Variants in EZR observed in about 807,000 individuals in gnomAD.
EZR encodes the protein ezrin.
Under a neutral mutation model 74.8 loss-of-function variants are expected in EZR, and 40 were observed. That is an observed-to-expected ratio of 0.53 (90% CI 0.42 to 0.70). The LOEUF is 0.70. Among genes scored for constraint, EZR ranks in the 30% least tolerant of loss-of-function variants. The pLI, the probability that EZR is intolerant of heterozygous loss-of-function variation, is 0.00. For missense variants in EZR, 678 were observed against 755.8 expected (o/e 0.90, Z 1.21); for synonymous variants, 341 against 283.3 (o/e 1.20, Z -2.05).
chr6:158,787,235 T>C, intron 3 of EZR, 32 bp from the exon 4 acceptor site: 3 of 1,578,734 alleles, frequency 1.9e-6, no homozygotes, highest in Non-Finnish European at 2.6e-6. Flanking sequence ...TCAACACTCA[T>C]GAGAAACTCA....
intron 2 of EZR, among the ~76,000 whole-genome samples, chr6:158,806,340 T>C (rs1480036687): frequency 2.0e-5 from 3 of 152,182 alleles, no homozygotes; most frequent in East Asian, 1.9e-4. Context: ...TTCTACCCTA[T>C]AACATGCTTT....
rs971685429 is a variant in EZR, at chr6:158,803,762, G to C, written c.12+14320C>G. Among the ~76,000 whole-genome samples the C allele has an allele frequency of 2.0e-5, 3 of 150,286 alleles. No homozygotes were observed. In the South Asian group the frequency reaches 6.3e-4, roughly 32 times the overall value. On this transcript the variant is annotated intron_variant, in intron 2 of 13. Coordinates refer to ENST00000367075, the MANE Select transcript of EZR (RefSeq NM_001111077.2). The stretch of plus-strand genomic sequence containing the variant: ...CCTAAATAGCTCTCCTTTTTCCTCT[G>C]AGAGTAAGCCACTTCCTGCCCCTAG...
rs765904047 is a variant in EZR, at chr6:158,785,440, G to A, written c.336C>T (p.Ser112=). 36 of 1,614,082 alleles carry A rather than the reference G, an allele frequency of 2.2e-5. No homozygotes were observed. Among genetic ancestry groups the A allele is most frequent in the East Asian group, 6.7e-5 (3 of 44,890 alleles). ...FFLQVKEGIL[S]DEIYCPPETA... Reference sequence around the variant, plus strand: ...TCTCAGGGGGGCAGTAGATCTCATCGCTAAGGATTCCTTCCTTCACTTGGA... The same window carrying A: ...TCTCAGGGGGGCAGTAGATCTCATCACTAAGGATTCCTTCCTTCACTTGGA... Residue 112 remains serine (S), a synonymous_variant, in exon 5 of 14, where the codon AGC becomes AGT. Transcript: ENST00000367075.
chr6:158,775,608 T>C (rs1791252554), intron 8 of EZR, among the ~76,000 whole-genome samples: 1 of 152,234 alleles, frequency 6.6e-6, no homozygotes, highest in Non-Finnish European at 1.5e-5. Context: ...TTCCAATCTA[T>C]AATTTTCGTA....
Position 158,787,031 on chromosome 6 carries a change from G to A in EZR, c.192+77C>T. On this transcript the variant is annotated intron_variant, in intron 4 of 13. Coordinates refer to ENST00000367075, the MANE Select transcript of EZR (RefSeq NM_001111077.2). ...AGGAACAGAAAACAAAAGACAGGGT[G>A]AGTTGCTCCAGTTTCCTTATCGATG... 3 of 1,145,896 alleles carry A rather than the reference G, an allele frequency of 2.6e-6. No individual in the cohort carries two copies. In the South Asian group the frequency reaches 3.9e-5, roughly 15 times the overall value. 71.0% of individuals were successfully genotyped at this position (1,145,896 alleles called of 1,614,324 possible). A position where few individuals can be genotyped will look rare whatever the true frequency, so the allele number is the denominator to read the frequency against.
intron 8 of EZR, among the ~76,000 whole-genome samples, chr6:158,775,481 T>G (rs373605972): frequency 1.3e-5 from 2 of 152,236 alleles, no homozygotes; most frequent in African/African-American, 4.8e-5. Flanking sequence ...TGCTAAGCAG[T>G]ACCCAGTCCC....
Position 158,783,540 on chromosome 6 carries a change from A to G in EZR, c.678T>C (p.Asn226=). The G allele has an allele frequency of 6.2e-7, 1 of 1,612,648 alleles. No homozygotes were observed. Residue 226 remains asparagine, a synonymous_variant, in exon 7 of 14, where the codon AAT becomes AAC. Transcript: ENST00000367075. ...CTCACTTATCATCTTTCTCATAAAT[A>G]TTCAGTCCAAGGGCATCAACTCCAA... ...LWLGVDALGL[N]IYEKDDKLTP... is the part of the protein sequence containing the mutation.
At chr6:158,777,170 G>GC (rs1469070331) in intron 7 of EZR, among the ~76,000 whole-genome samples, 6 of 152,200 alleles carry the variant, frequency 3.9e-5, no homozygotes, top group Non-Finnish European at 7.3e-5. Flanking sequence ...AACAGGGAGG[G>GC]CCAAGATCCC....
chr6:158,777,632 A>G (rs1292479718), intron 7 of EZR, among the ~76,000 whole-genome samples: 1 of 152,250 alleles, frequency 6.6e-6, no homozygotes, highest in African/African-American at 2.4e-5. Flanking sequence ...AAGTAGCAGG[A>G]AGGTCAAGCA....
rs1186485726 is a variant in EZR at position 158,796,925 on chromosome 6, G to A, written c.13-7554C>T. 2.6e-5 allele frequency among the ~76,000 whole-genome samples: 4 copies of A among 152,144 alleles called. No homozygotes were observed. In the South Asian group the frequency reaches 6.2e-4, roughly 24 times the overall value. On this transcript the variant is annotated intron_variant, in intron 2 of 13. Coordinates refer to ENST00000367075, the MANE Select transcript of EZR (RefSeq NM_001111077.2). ...TTTTATCAAAATGGCATCTTAAAAT[G>A]CCTTCTAAGAGTGTAAGGAATGAAA...
At chr6:158,816,684 A>G (rs936841195) in intron 2 of EZR, among the ~76,000 whole-genome samples, 2 of 119,366 alleles carry the variant, frequency 1.7e-5, no homozygotes, top group African/African-American at 6.1e-5. Flanking sequence ...GATGTAACTT[A>G]GGCAAAAATT....
intron 2 of EZR, among the ~76,000 whole-genome samples, chr6:158,793,952 T>G (rs1279343503): frequency 6.6e-6 from 1 of 152,204 alleles, no homozygotes; most frequent in Non-Finnish European, 1.5e-5. Flanking sequence ...ATACATACTT[T>G]GTCTACTTAT....
At chr6:158,786,910 A>C (rs1240934597) in intron 4 of EZR, among the ~76,000 whole-genome samples, 198 bp downstream of exon 4, 1 of 152,242 alleles carries the variant, frequency 6.6e-6, no homozygotes, top group Non-Finnish European at 1.5e-5. Flanking sequence ...ATGAGTGAGC[A>C]CTATGGAGAA....
intron 2 of EZR, among the ~76,000 whole-genome samples, chr6:158,809,075 C>CAACA (rs1777399861): frequency 6.6e-6 from 1 of 152,224 alleles, no homozygotes; most frequent in Non-Finnish European, 1.5e-5. Context: ...CGTGCTTGAG[C>CAACA]AACAGAGCAA....
At chr6:158,807,282 T>G (rs1296881769) in intron 2 of EZR, among the ~76,000 whole-genome samples, 3 of 144,784 alleles carry the variant, frequency 2.1e-5, no homozygotes, top group Middle Eastern at 3.6e-3. Flanking sequence ...ACCACTGCAC[T>G]CCAGCCTGGG....
intron 10 of EZR, 112 bp downstream of exon 10, chr6:158,770,652 T>C (rs2128565865): frequency 1.6e-6 from 2 of 1,251,260 alleles, no homozygotes; most frequent in Admixed American, 1.9e-5. Flanking sequence ...GAGTCTGCGC[T>C]GTGGGACACG....
chr6:158,802,064 C>T (rs756849943), intron 2 of EZR, among the ~76,000 whole-genome samples: 7 of 152,210 alleles, frequency 4.6e-5, no homozygotes, highest in Non-Finnish European at 8.8e-5. Flanking sequence ...TACCAAAAAA[C>T]GTAACCCACC....
chr6:158,788,930 G>T (rs1205827624), intron 3 of EZR, among the ~76,000 whole-genome samples: 2 of 152,144 alleles, frequency 1.3e-5, no homozygotes, highest in Non-Finnish European at 2.9e-5. Flanking sequence ...CGGGTAGGAA[G>T]CCGCGTCTCT....
chr6:158,787,857 C>T (rs729892), intron 3 of EZR, among the ~76,000 whole-genome samples: 19,843 of 152,140 alleles, frequency 0.13, 1,379 homozygotes, highest in African/African-American at 0.14. Flanking sequence ...GGTAGAATCC[C>T]GACCCTAGGT....
Sources: gnomAD v4.1 joint callset for allele counts (sites outside exome capture counted in the v4.1 genomes callset) on GRCh38, gnomAD v4.1.1 for gene constraint, MANE v1.5 for transcripts, NCBI Gene and HGNC (gene_info 2026-07-23, HGNC 2026-07-21) for gene names.